Variants in ERCC6 observed in about 807,000 individuals in gnomAD.
ERCC6 encodes DNA excision repair protein ERCC-6.
ERCC6 carries 116 observed loss-of-function variants against 158.7 expected under a neutral mutation model. The observed-to-expected ratio is 0.73, with a 90% CI of 0.63 to 0.85. The LOEUF (loss-of-function observed/expected upper bound fraction) is 0.85. Among genes scored for constraint, ERCC6 ranks in the 40% least tolerant of loss-of-function variants. ERCC6 has a pLI of 0.00. For synonymous variants in ERCC6, 678 were observed against 659.3 expected (o/e 1.03, Z -0.43); for missense variants, 1,698 against 1,799.4 (o/e 0.94, Z 1.02).
At chr10:49,538,509 T>G (rs1837656357) in intron 1 of ERCC6, among the ~76,000 whole-genome samples, 1 of 152,206 alleles carries the variant, frequency 6.6e-6, no homozygotes, top group African/African-American at 2.4e-5. Flanking sequence ...GTTAAGACGC[T>G]GCGTGGAAGT....
chr10:49,497,787 C>T lies in ERCC6; in HGVS notation c.1685+2751G>A, dbSNP rs118156498. On this transcript the variant is annotated intron_variant, in intron 7 of 20. Transcript: ENST00000355832. ...CTACAATTCCTTTAATCTTTGATTACCATTGATTACCTAATAAATTTAGGG... is the reference window on the plus strand; with the variant it reads ...CTACAATTCCTTTAATCTTTGATTATCATTGATTACCTAATAAATTTAGGG... 5.6e-3 allele frequency among the ~76,000 whole-genome samples: 847 copies of T among 152,266 alleles called. 14 individuals carry two copies. The highest frequency in any genetic ancestry group is 5.8e-3 in the Non-Finnish European group (397 of 68,028).
intron 5 of ERCC6, among the ~76,000 whole-genome samples, chr10:49,522,779 T>C (rs1837202745): frequency 6.6e-6 from 1 of 152,214 alleles, no homozygotes. Context: ...TCAAGAGTAC[T>C]GGGCAACATT....
chr10:49,525,021 T>A, intron 4 of ERCC6: 1 of 857,788 alleles, frequency 1.2e-6, no homozygotes, highest in Non-Finnish European at 1.7e-6. Flanking sequence ...TATTTCACTA[T>A]AAATATACTC....
chr10:49,523,900 G>A, intron 5 of ERCC6, 133 bp downstream of exon 5: 1 of 1,334,238 alleles, frequency 7.5e-7, no homozygotes, highest in Non-Finnish European at 1.0e-6. Context: ...GGTTAAGGCT[G>A]CAGAAATCCA....
rs1340397965 is a variant in ERCC6 at position 49,511,416 on chromosome 10, CTTCT to C, written c.1398-5408_1398-5405del. Among the ~76,000 whole-genome samples, 3 of 129,628 alleles carry C rather than the reference CTTCT, an allele frequency of 2.3e-5. No individual in the cohort carries two copies. In the Admixed American group the frequency reaches 2.8e-4, roughly 12 times the overall value. 85.0% of individuals were successfully genotyped at this position (129,628 alleles called of 152,430 possible). On this transcript the variant is annotated intron_variant, in intron 5 of 20. Transcript: ENST00000355832. ...CAAATAAAGTAAGTGTGTTGTTCAT[CTTCT>C]TTTTTACTTTTTTTTTTTTTTTGAG...
intron 5 of ERCC6, among the ~76,000 whole-genome samples, chr10:49,518,906 T>C (rs934300822): frequency 5.9e-5 from 9 of 152,114 alleles, no homozygotes; most frequent in Admixed American, 2.0e-4. Context: ...GAGTTACTCA[T>C]GTAAAAAAGG....
At chr10:49,440,092 T>G in the ERCC6 span, among the ~76,000 whole-genome samples, 1 of 152,198 alleles carries the variant, frequency 6.6e-6, no homozygotes, top group South Asian at 2.1e-4. Context: ...CAAAGTCACT[T>G]CCACATTTTT....
chr10:49,505,797 C>A, intron 6 of ERCC6, 87 bp downstream of exon 6: 1 of 1,523,894 alleles, frequency 6.6e-7, no homozygotes. Flanking sequence ...TCAGGGCCCA[C>A]AGGTAACTAC....
chr10:49,490,224 C>T (rs952120843), intron 8 of ERCC6, among the ~76,000 whole-genome samples: 1 of 151,892 alleles, frequency 6.6e-6, no homozygotes, highest in Non-Finnish European at 1.5e-5. Flanking sequence ...CAATCAGAGA[C>T]TATTAACAAA....
intron 7 of ERCC6, 131 bp from the exon 8 acceptor site, chr10:49,493,383 TG>T (rs1442526824): frequency 8.7e-7 from 1 of 1,151,352 alleles, no homozygotes; most frequent in Non-Finnish European, 1.2e-6. Context: ...GGAAATTTAT[TG>T]ATATTTTCTT....
At chr10:49,536,986 T>C (rs901379784) in intron 1 of ERCC6, among the ~76,000 whole-genome samples, 2 of 152,192 alleles carry the variant, frequency 1.3e-5, no homozygotes, top group African/African-American at 4.8e-5. Flanking sequence ...GAAAACCAAG[T>C]CTTCTGGAAG....
chr10:49,508,934 A>G (rs1851490987), intron 5 of ERCC6, among the ~76,000 whole-genome samples: 1 of 152,150 alleles, frequency 6.6e-6, no homozygotes, highest in Non-Finnish European at 1.5e-5. Flanking sequence ...ATGTCTAACC[A>G]GCCTGTACTG....
intron 4 of ERCC6, among the ~76,000 whole-genome samples, chr10:49,527,847 TAC>T (rs534697990): frequency 1.3e-4 from 20 of 151,784 alleles, no homozygotes; most frequent in East Asian, 1.2e-3. Context: ...CAACAATTTG[TAC>T]ACACACACAC....
intron 10 of ERCC6, among the ~76,000 whole-genome samples, chr10:49,480,258 G>T (rs1850954087): frequency 6.6e-6 from 1 of 152,052 alleles, no homozygotes; most frequent in Admixed American, 6.6e-5. Context: ...CTGACACTGG[G>T]CATCTCCCCT....
At chr10:49,453,046 CATTT>C (rs1850438229), downstream of ERCC6, among the ~76,000 whole-genome samples, 2 of 152,174 alleles carry the variant, frequency 1.3e-5, no homozygotes, top group South Asian at 2.1e-4. Flanking sequence ...AATTCATTAA[CATTT>C]ATTATTGATA....
At chr10:49,484,865 A>G (rs967393425) in intron 8 of ERCC6, among the ~76,000 whole-genome samples, 7 of 152,244 alleles carry the variant, frequency 4.6e-5, no homozygotes, top group African/African-American at 1.4e-4. Context: ...TTTCTGCAAC[A>G]CTAAAAATGT....
At chr10:49,498,366 C>T (rs1179951888) in intron 7 of ERCC6, among the ~76,000 whole-genome samples, 1 of 152,166 alleles carries the variant, frequency 6.6e-6, no homozygotes, top group African/African-American at 2.4e-5. Context: ...CACAGAACTT[C>T]ATTTGACCTT....
chr10:49,483,421 G>A lies in ERCC6; in HGVS notation c.1917C>T (p.Asp639=). The change falls in exon 9 of 21, where the codon GAC becomes GAT. Residue 639 remains aspartate, a synonymous_variant. Coordinates refer to ENST00000355832, the MANE Select transcript of ERCC6 (RefSeq NM_000124.4). Reference sequence around the variant, plus strand: ...CTTCGTCCAAGATCACATAGTGCCAGTCATACCTGCTAATGTCATCCTGCA... The same window carrying A: ...CTTCGTCCAAGATCACATAGTGCCAATCATACCTGCTAATGTCATCCTGCA... ...RLMQDDISRY[D]WHYVILDEGH... is the part of the protein sequence containing the mutation. 2 of 1,614,162 alleles carry A rather than the reference G, an allele frequency of 1.2e-6. No individual in the cohort carries two copies. Among genetic ancestry groups the A allele is most frequent in the Non-Finnish European group, 1.7e-6 (2 of 1,180,004 alleles).
chr10:49,537,502 T>TACACACACAC (rs1157343253), intron 1 of ERCC6, among the ~76,000 whole-genome samples: 297 of 128,904 alleles, frequency 2.3e-3, no homozygotes, highest in African/African-American at 7.7e-3. Flanking sequence ...TATATATATA[T>TACACACACAC]ACACATACAC....
Sources: gnomAD v4.1 joint callset for allele counts (sites outside exome capture counted in the v4.1 genomes callset) on GRCh38, gnomAD v4.1.1 for gene constraint, MANE v1.5 for transcripts, NCBI Gene and HGNC (gene_info 2026-07-23, HGNC 2026-07-21) for gene names.